Variants in NXPE2 observed in about 807,000 individuals in gnomAD.
NXPE2 encodes neurexophilin and PC-esterase domain family member 2.
A neutral mutation model predicts 34.4 loss-of-function variants in NXPE2; 34 were observed. The observed-to-expected ratio is 0.99, with a 90% CI of 0.75 to 1.31. NXPE2 has a LOEUF of 1.31. Ranked by LOEUF, NXPE2 falls within the 40% of genes most tolerant of loss-of-function variation. NXPE2 has a pLI of 0.00. For missense variants in NXPE2, 649 were observed against 672.5 expected (o/e 0.97, Z 0.39); for synonymous variants, 235 against 231.3 (o/e 1.02, Z -0.15).
At chr11:114,786,986 A>G in the NXPE2 span, among the ~76,000 whole-genome samples, 1 of 152,008 alleles carries the variant, frequency 6.6e-6, no homozygotes, top group Non-Finnish European at 1.5e-5. Context: ...AGTGGTGCAT[A>G]TTGCCTGAGA....
In NXPE2 at chr11:114,698,281, C is replaced by A; in HGVS notation, c.369C>A (p.Tyr123Ter). The A allele has an allele frequency of 6.2e-7, 1 of 1,613,576 alleles. No individual in the cohort carries two copies. The highest frequency in any genetic ancestry group is 8.5e-7 in the Non-Finnish European group (1 of 1,179,676). ...CCATCCTCAACCCTCAAGATACGTA[C>A]TGCAGGGGGGATCAGCTGGACATCC... ...TATILNPQDT[Y>*]CRGDQLDILL... Residue 123 changes from tyrosine (Y) to a stop codon, truncating the protein, a stop_gained, in exon 3 of 6, where the codon TAC (tyrosine) becomes TAA (stop). Coordinates refer to ENST00000389586, the MANE Select transcript of NXPE2 (RefSeq NM_182495.6). LOFTEE classifies it high-confidence loss of function.
the NXPE2 span, among the ~76,000 whole-genome samples, chr11:114,600,075 A>G: frequency 6.6e-6 from 1 of 152,214 alleles, no homozygotes; most frequent in South Asian, 2.1e-4. Flanking sequence ...CTCTTCAGTA[A>G]TAATTGCTGT....
upstream of NXPE2, among the ~76,000 whole-genome samples, chr11:114,677,273 G>A (rs1214963078): frequency 2.0e-5 from 3 of 151,984 alleles, no homozygotes; most frequent in Non-Finnish European, 4.4e-5. Flanking sequence ...GATCTTAAGC[G>A]TTCTCACCAC....
At chr11:114,470,502 T>A in the NXPE2 span, among the ~76,000 whole-genome samples, 1 of 152,124 alleles carries the variant, frequency 6.6e-6, no homozygotes, top group African/African-American at 2.4e-5. Flanking sequence ...TATGTCTTCT[T>A]TGGTGATATG....
At chr11:114,739,951 A>G in the NXPE2 span, among the ~76,000 whole-genome samples, 5 of 152,274 alleles carry the variant, frequency 3.3e-5, no homozygotes, top group Middle Eastern at 3.4e-3. Flanking sequence ...ATTCCATTAT[A>G]TATACAGTAG....
chr11:114,651,599 TACTGATTGGTCCATTTTACAGAGC>T, the NXPE2 span, among the ~76,000 whole-genome samples: 1 of 152,218 alleles, frequency 6.6e-6, no homozygotes, highest in Non-Finnish European at 1.5e-5. Flanking sequence ...GCCCACATCC[TACTGATTGGTCCATTTTACAGAGC>T]ACTGATTGGC....
At chr11:114,749,642 C>A in the NXPE2 span, among the ~76,000 whole-genome samples, 21 of 152,182 alleles carry the variant, frequency 1.4e-4, no homozygotes, top group African/African-American at 4.8e-4. Flanking sequence ...CTTTCTCTGA[C>A]AATGACAAAA....
chr11:114,494,627 G>A, the NXPE2 span, among the ~76,000 whole-genome samples: 2 of 152,046 alleles, frequency 1.3e-5, no homozygotes, highest in Non-Finnish European at 2.9e-5. Context: ...GGATTTTGTT[G>A]AGCTTCCTTA....
At chr11:114,487,208 C>T in the NXPE2 span, among the ~76,000 whole-genome samples, 15 of 152,006 alleles carry the variant, frequency 9.9e-5, no homozygotes, top group Non-Finnish European at 2.2e-4. Flanking sequence ...AGAGCTTTCA[C>T]TTCTTTGGTT....
the NXPE2 span, among the ~76,000 whole-genome samples, chr11:114,555,765 A>G: frequency 6.6e-6 from 1 of 152,268 alleles, no homozygotes; most frequent in South Asian, 2.1e-4. Context: ...GTTTCATATA[A>G]ATGGAATAAT....
chr11:114,572,106 C>A, the NXPE2 span, among the ~76,000 whole-genome samples: 2 of 152,144 alleles, frequency 1.3e-5, no homozygotes, highest in East Asian at 3.9e-4. Context: ...CCAGTACCAG[C>A]CCAGAGCCCA....
intron 2 of NXPE2, among the ~76,000 whole-genome samples, chr11:114,691,634 C>T (rs1951152260): frequency 6.6e-6 from 1 of 152,178 alleles, no homozygotes; most frequent in African/African-American, 2.4e-5. Flanking sequence ...GCTGCTAAGT[C>T]TGCAACACTA....
At chr11:114,716,661 A>G in the NXPE2 span, among the ~76,000 whole-genome samples, 1 of 152,166 alleles carries the variant, frequency 6.6e-6, no homozygotes, top group Admixed American at 6.5e-5. Context: ...TAATGTCTTG[A>G]GCAATCTAGT....
the NXPE2 span, among the ~76,000 whole-genome samples, chr11:114,577,009 TTATATATATATATATA>T: frequency 8.6e-6 from 1 of 116,260 alleles, no homozygotes; most frequent in Non-Finnish European, 1.7e-5. Flanking sequence ...ATATATAAAG[TTATATATATATATATA>T]TACATATATA....
chr11:114,488,292 G>A, the NXPE2 span, among the ~76,000 whole-genome samples: 2 of 152,110 alleles, frequency 1.3e-5, no homozygotes, highest in Non-Finnish European at 2.9e-5. Context: ...TTGGCATGTG[G>A]TTGCTCATAG....
At chr11:114,517,471 T>C in the NXPE2 span, among the ~76,000 whole-genome samples, 1 of 152,202 alleles carries the variant, frequency 6.6e-6, no homozygotes, top group Non-Finnish European at 1.5e-5. Flanking sequence ...TCACAGAAGA[T>C]TTATTTTTGA....
In NXPE2 at chr11:114,678,993, A is replaced by G. The variant is rs1178097759; in HGVS notation, c.26+392A>G. Among the ~76,000 whole-genome samples, 7 of 151,776 alleles carry G rather than the reference A, an allele frequency of 4.6e-5. No homozygotes were observed. In the East Asian group the frequency reaches 1.4e-3, roughly 29 times the overall value. Reference sequence around the variant, plus strand: ...TCAAAAATGTTTGGTAAAGATTGCCATAATTTAGCTCTTTGCCACATACTT... The same window carrying G: ...TCAAAAATGTTTGGTAAAGATTGCCGTAATTTAGCTCTTTGCCACATACTT... On this transcript the variant is annotated intron_variant, in intron 1 of 5. Coordinates refer to ENST00000389586, the MANE Select transcript of NXPE2 (RefSeq NM_182495.6).
At chr11:114,726,182 T>C in the NXPE2 span, among the ~76,000 whole-genome samples, 1 of 151,814 alleles carries the variant, frequency 6.6e-6, no homozygotes, top group East Asian at 1.9e-4. Context: ...TCAAAGATAT[T>C]GTTCTTCTGT....
the NXPE2 span, among the ~76,000 whole-genome samples, chr11:114,597,747 A>T: frequency 1.3e-5 from 2 of 151,954 alleles, no homozygotes; most frequent in African/African-American, 2.4e-5. Flanking sequence ...TAAAAAATGG[A>T]GGTACATGTC....
Sources: allele counts gnomAD v4.1 joint callset (sites outside exome capture counted in the v4.1 genomes callset), GRCh38; gene constraint gnomAD v4.1.1; transcripts MANE v1.5; gene names NCBI Gene and HGNC (gene_info 2026-07-23, HGNC 2026-07-21).